PPP2R2C: variants seen among roughly 807,000 people sequenced by gnomAD.
PPP2R2C encodes protein phosphatase 2, regulatory subunit B, gamma.
In PPP2R2C, 10 loss-of-function variants were observed where a neutral mutation model predicts 45.3. The observed-to-expected ratio is 0.22, with a 90% CI of 0.14 to 0.37. The LOEUF (loss-of-function observed/expected upper bound fraction) is 0.37, where lower values mean the gene tolerates loss of function less well. PPP2R2C is among the 10% of genes least tolerant of loss of function. PPP2R2C has a pLI of 1.00. For missense variants in PPP2R2C, 308 were observed against 619.7 expected (o/e 0.50, Z 5.34); for synonymous variants, 257 against 245.4 (o/e 1.05, Z -0.44).
chr4:6,529,957 T>C (rs991274689), intron 2 of PPP2R2C, among the ~76,000 whole-genome samples: 53 of 152,216 alleles, frequency 3.5e-4, no homozygotes, highest in African/African-American at 1.2e-3. Context: ...GAGCCCACTA[T>C]TCCCACTGTG....
intron 2 of PPP2R2C, among the ~76,000 whole-genome samples, chr4:6,520,367 T>A (rs909191016): frequency 6.8e-6 from 1 of 147,584 alleles, no homozygotes; most frequent in African/African-American, 2.6e-5. Flanking sequence ...GGCAACTCTG[T>A]CCCCGAGCAG....
At chr4:6,452,868 G>C (rs1245807820) in intron 1 of PPP2R2C, among the ~76,000 whole-genome samples, 1 of 152,240 alleles carries the variant, frequency 6.6e-6, no homozygotes, top group African/African-American at 2.4e-5. Flanking sequence ...CTGTCCCACA[G>C]AGAATCTCGG....
intron 1 of PPP2R2C, among the ~76,000 whole-genome samples, chr4:6,386,865 A>C (rs986720105): frequency 6.6e-6 from 1 of 152,266 alleles, no homozygotes; most frequent in Non-Finnish European, 1.5e-5. Flanking sequence ...TCATGAAAGA[A>C]TAAATCTCAG....
At chr4:6,520,153 G>A (rs1723968013) in intron 2 of PPP2R2C, among the ~76,000 whole-genome samples, 1 of 152,004 alleles carries the variant, frequency 6.6e-6, no homozygotes, top group East Asian at 1.9e-4. Context: ...TGGATGAAGG[G>A]GTACGCTGGG....
intron 1 of PPP2R2C, among the ~76,000 whole-genome samples, chr4:6,555,834 C>T (rs965946797): frequency 2.0e-5 from 3 of 152,128 alleles, no homozygotes; most frequent in East Asian, 1.9e-4. Context: ...CTGGTCTCCT[C>T]GGGTAATGCT....
At chr4:6,413,963 G>A (rs1718381089) in intron 1 of PPP2R2C, 4 of 1,535,904 alleles carry the variant, frequency 2.6e-6, no homozygotes, top group South Asian at 1.2e-5. Context: ...GCTGCTCCCT[G>A]GTGGCTCTGC....
chr4:6,508,223 T>A (rs1723301137), intron 2 of PPP2R2C, among the ~76,000 whole-genome samples: 2 of 152,186 alleles, frequency 1.3e-5, no homozygotes, highest in Admixed American at 6.5e-5. Flanking sequence ...AGGCGGTTAT[T>A]AAACGGTCTC....
chr4:6,506,922 G>T (rs1455293989), intron 2 of PPP2R2C, among the ~76,000 whole-genome samples: 4 of 152,176 alleles, frequency 2.6e-5, no homozygotes, highest in African/African-American at 9.7e-5. Context: ...ATGACTGCTG[G>T]TTCCCCCAGG....
chr4:6,451,255 T>C (rs1720718272), intron 1 of PPP2R2C, among the ~76,000 whole-genome samples: 2 of 152,080 alleles, frequency 1.3e-5, no homozygotes, highest in South Asian at 4.2e-4. Flanking sequence ...GTGGGCTGGA[T>C]CCGCTGTGGA....
At chr4:6,350,053 G>T (rs1402281569) in intron 5 of PPP2R2C, 1 of 985,264 alleles carries the variant, frequency 1.0e-6, no homozygotes, top group Non-Finnish European at 1.2e-6. Context: ...ACCACAAACT[G>T]AGAATCACAT....
At chr4:6,383,396 G>T (rs750451733) in intron 1 of PPP2R2C, 2 of 1,289,624 alleles carry the variant, frequency 1.6e-6, no homozygotes, top group Non-Finnish European at 2.0e-6. Context: ...TCAGCAAAAG[G>T]TACCTCCTCC....
At chr4:6,409,823 T>C (rs1718040348) in intron 1 of PPP2R2C, among the ~76,000 whole-genome samples, 1 of 152,142 alleles carries the variant, frequency 6.6e-6, no homozygotes, top group South Asian at 2.1e-4. Flanking sequence ...TCCCCAAACA[T>C]GCGGTGCCCT....
rs1010542517 is a variant in PPP2R2C at position 6,321,001 on chromosome 4, T to A, written c.*2301A>T. ...ACACATTTGATCTTCACAATTTGCT[T>A]TGGACATCATTATTTTCCAGGGATC... On this transcript the variant is annotated 3_prime_UTR_variant, in exon 9 of 9. Transcript: ENST00000382599. 2.6e-5 allele frequency: 4 copies of A among 152,218 alleles called. No individual in the cohort carries two copies. The highest frequency in any genetic ancestry group is 2.6e-4 in the Admixed American group (4 of 15,272). The allele number at this position is 152,218 out of a possible 1,614,324, so 9.4% of individuals were successfully genotyped here.
chr4:6,382,556 T>A, intron 1 of PPP2R2C: 2 of 1,336,536 alleles, frequency 1.5e-6, no homozygotes, highest in Non-Finnish European at 2.0e-6. Flanking sequence ...CTCTGCAGCT[T>A]CCCCAGTCTC....
At chr4:6,560,597 T>C (rs1436679035) in intron 1 of PPP2R2C, among the ~76,000 whole-genome samples, 2 of 152,154 alleles carry the variant, frequency 1.3e-5, no homozygotes, top group Non-Finnish European at 2.9e-5. Context: ...CGTCCCTGGA[T>C]CCTACAAAGC....
At chr4:6,381,442 A>T in intron 1 of PPP2R2C, 1 of 1,386,220 alleles carries the variant, frequency 7.2e-7, no homozygotes, top group Non-Finnish European at 9.4e-7. Context: ...CCTGTCTTGA[A>T]TCTCCCACAC....
At chr4:6,523,010 G>A (rs1029014099) in intron 2 of PPP2R2C, among the ~76,000 whole-genome samples, 4 of 152,210 alleles carry the variant, frequency 2.6e-5, no homozygotes, top group Admixed American at 6.5e-5. Flanking sequence ...GGGAGGCTCC[G>A]AACTCAAGCC....
chr4:6,527,054 C>T (rs1168279756), intron 2 of PPP2R2C, among the ~76,000 whole-genome samples: 1 of 152,142 alleles, frequency 6.6e-6, no homozygotes, highest in African/African-American at 2.4e-5. Flanking sequence ...AGGCTGGTGT[C>T]GGGAGCTGCA....
intron 5 of PPP2R2C, chr4:6,348,958 C>T (rs1417454794): frequency 2.1e-6 from 2 of 954,784 alleles, no homozygotes; most frequent in Non-Finnish European, 2.5e-6. Flanking sequence ...AGATGAGCAA[C>T]TCGTCCGGGG....
Sources: allele counts gnomAD v4.1 joint callset (sites outside exome capture counted in the v4.1 genomes callset), GRCh38; gene constraint gnomAD v4.1.1; transcripts MANE v1.5; gene names NCBI Gene and HGNC (gene_info 2026-07-23, HGNC 2026-07-21).